MKLN1: variants seen among roughly 807,000 people sequenced by gnomAD.
The protein encoded by MKLN1 is muskelin 1, also known as muskelin.
Under a neutral mutation model 99.0 loss-of-function variants are expected in MKLN1, and 18 were observed. That is an observed-to-expected ratio of 0.18 (90% CI 0.13 to 0.27). The LOEUF is 0.27. Ranked by LOEUF, MKLN1 falls within the 10% of genes least tolerant of loss-of-function variation. MKLN1 has a pLI of 1.00. For missense variants in MKLN1, 621 were observed against 875.9 expected, an observed-to-expected ratio of 0.71 and a Z score of 3.67; for synonymous variants, 288 against 293.2, an observed-to-expected ratio of 0.98 and a Z score of 0.18.
chr7:131,314,869 C>T (rs1026346316), intron 3 of MKLN1, among the ~76,000 whole-genome samples: 2 of 151,666 alleles, frequency 1.3e-5, no homozygotes, highest in African/African-American at 4.8e-5. Flanking sequence ...ACATTCTGGG[C>T]TTAAATGATC....
chr7:131,132,173 G>A (rs1184167796), intron 1 of MKLN1, among the ~76,000 whole-genome samples: 1 of 152,204 alleles, frequency 6.6e-6, no homozygotes, highest in Non-Finnish European at 1.5e-5. Flanking sequence ...CATTTCAAGT[G>A]CAAAAGATCT....
At chr7:131,415,679 C>T (rs1301235038) in intron 8 of MKLN1, among the ~76,000 whole-genome samples, 2 of 151,954 alleles carry the variant, frequency 1.3e-5, no homozygotes, top group Non-Finnish European at 2.9e-5. Flanking sequence ...CCTTTCTGCC[C>T]TGCAGAAATA....
At chr7:131,265,320 ACAGTATAGTCATCCATCCTGTTCT>A (rs1175298889) in intron 3 of MKLN1, among the ~76,000 whole-genome samples, 1 of 152,172 alleles carries the variant, frequency 6.6e-6, no homozygotes, top group Non-Finnish European at 1.5e-5. Context: ...GCAAGGCCAA[ACAGTATAGTCATCCATCCTGTTCT>A]CTTTTCTTCC....
intron 1 of MKLN1, among the ~76,000 whole-genome samples, chr7:131,113,890 C>T (rs1206417840): frequency 1.3e-5 from 2 of 152,090 alleles, no homozygotes; most frequent in Non-Finnish European, 2.9e-5. Context: ...GAAACTGACA[C>T]TTTTAAAACC....
rs1563247256 is a variant in MKLN1, at chr7:131,192,119, ACG to A, written c.-296-10737_-296-10736del. 7.2e-5 allele frequency among the ~76,000 whole-genome samples: 6 copies of A among 83,560 alleles called. 1 individual carries two copies. The highest frequency in any genetic ancestry group is 2.6e-4 in the African/African-American group (5 of 19,218). 54.8% of individuals were successfully genotyped at this position (83,560 alleles called of 152,430 possible). ...ATATGTATATATATATTATATATAT[ACG>A]TATATATATAAAAATATATATACGT... On this transcript the variant is annotated intron_variant, in intron 2 of 7. Coordinates refer to the MKLN1 transcript ENST00000416992.
intron 11 of MKLN1, among the ~76,000 whole-genome samples, chr7:131,444,444 T>G (rs1297777575): frequency 6.6e-6 from 1 of 151,940 alleles, no homozygotes; most frequent in Non-Finnish European, 1.5e-5. Flanking sequence ...ATTTTTCTCT[T>G]TGGCTAGTAG....
intron 3 of MKLN1, among the ~76,000 whole-genome samples, chr7:131,291,492 T>C (rs947526853): frequency 6.6e-6 from 1 of 151,648 alleles, no homozygotes; most frequent in South Asian, 2.1e-4. Context: ...AGAGTACTTA[T>C]GTACAGAGTT....
intron 1 of MKLN1, among the ~76,000 whole-genome samples, chr7:131,113,869 A>C (rs1416038349): frequency 1.3e-5 from 2 of 151,984 alleles, no homozygotes; most frequent in Admixed American, 1.3e-4. Flanking sequence ...GGAGAGAGAG[A>C]GCTTGCGGGG....
intron 2 of MKLN1, among the ~76,000 whole-genome samples, chr7:131,189,539 A>C (rs530178836): frequency 7.1e-4 from 93 of 130,620 alleles, no homozygotes; most frequent in African/African-American, 2.2e-3. Flanking sequence ...AACAAACAAA[A>C]AAAAAAACAC....
chr7:131,268,096 C>T (rs560837314), intron 3 of MKLN1, among the ~76,000 whole-genome samples: 21 of 152,202 alleles, frequency 1.4e-4, no homozygotes, highest in African/African-American at 9.6e-5. Flanking sequence ...GGGTTTCACA[C>T]GAGAACTAGT....
intron 12 of MKLN1, among the ~76,000 whole-genome samples, chr7:131,454,650 A>G (rs1310756794): frequency 6.6e-6 from 1 of 152,246 alleles, no homozygotes; most frequent in Non-Finnish European, 1.5e-5. Context: ...AATCATGATT[A>G]GTCTAAACCA....
intron 1 of MKLN1, among the ~76,000 whole-genome samples, chr7:131,361,873 T>C (rs1800040969): frequency 6.6e-6 from 1 of 151,934 alleles, no homozygotes; most frequent in South Asian, 2.1e-4. Context: ...GACATTCTTA[T>C]CTTCATGGTT....
Position 131,131,193 on chromosome 7 carries a change from T to TTAAATAAATAAATAAA in MKLN1, c.-418-11610_-418-11595dup, listed in dbSNP as rs56293710. ...AAATATAGTGAGACCTCACCTCTAC[T>TTAAATAAATAAATAAA]TAAATAAATAAATAAATAAATAAAT... On this transcript the variant is annotated intron_variant, in intron 1 of 7. Coordinates refer to the MKLN1 transcript ENST00000416992. Among the ~76,000 whole-genome samples the TTAAATAAATAAATAAA allele has an allele frequency of 8.8e-3, 1,201 of 136,102 alleles. 15 individuals carry two copies. Among genetic ancestry groups the TTAAATAAATAAATAAA allele is most frequent in the East Asian group, 0.043 (202 of 4,660 alleles). The allele number at this position is 136,102 out of a possible 152,430, so 89.3% of individuals were successfully genotyped here.
At chr7:131,477,716 C>G in intron 16 of MKLN1, among the ~76,000 whole-genome samples, 1 of 152,140 alleles carries the variant, frequency 6.6e-6, no homozygotes, top group East Asian at 1.9e-4. Context: ...TCAGGGCTTA[C>G]AAATGTTGGT....
chr7:131,286,520 T>A (rs557939458), intron 3 of MKLN1, among the ~76,000 whole-genome samples: 5 of 152,212 alleles, frequency 3.3e-5, no homozygotes, highest in African/African-American at 7.2e-5. Context: ...GTACAAAAAA[T>A]TGTTTCCAGG....
intron 3 of MKLN1, among the ~76,000 whole-genome samples, chr7:131,248,081 AT>A (rs1222355464): frequency 7.3e-6 from 1 of 137,894 alleles, no homozygotes; most frequent in African/African-American, 2.9e-5. Flanking sequence ...TTTATTATTT[AT>A]TTATTTATTT....
At chr7:131,477,423 C>CT (rs1394434454) in intron 16 of MKLN1, among the ~76,000 whole-genome samples, 1 of 150,838 alleles carries the variant, frequency 6.6e-6, no homozygotes, top group Admixed American at 6.6e-5. Context: ...AGGAGGATTG[C>CT]TTGAGTCCAA....
intron 1 of MKLN1, among the ~76,000 whole-genome samples, chr7:131,366,361 A>G (rs1800180678): frequency 6.6e-6 from 1 of 152,184 alleles, no homozygotes; most frequent in South Asian, 2.1e-4. Context: ...ACTTTTCTTC[A>G]TATAAAAATT....
At chr7:131,224,471 A>G (rs950642546) in intron 3 of MKLN1, among the ~76,000 whole-genome samples, 2 of 152,188 alleles carry the variant, frequency 1.3e-5, no homozygotes, top group South Asian at 4.1e-4. Flanking sequence ...GCTCGAACCC[A>G]GGAGGCAGAG....
Sources: gnomAD v4.1 joint callset for allele counts (sites outside exome capture counted in the v4.1 genomes callset) on GRCh38, gnomAD v4.1.1 for gene constraint, MANE v1.5 for transcripts, NCBI Gene and HGNC (gene_info 2026-07-23, HGNC 2026-07-21) for gene names.